The following SSBP2 variants were observed in gnomAD, a reference collection of about 807,000 sequenced individuals.
SSBP2 encodes single-stranded DNA-binding protein 2.
A neutral mutation model predicts 61.8 loss-of-function variants in SSBP2; 17 were observed. The observed-to-expected ratio is 0.28, with a 90% CI of 0.19 to 0.41. The LOEUF (loss-of-function observed/expected upper bound fraction) is 0.41. Ranked by LOEUF, SSBP2 falls within the 10% of genes least tolerant of loss-of-function variation. SSBP2 has a pLI of 1.00. For synonymous variants in SSBP2, 139 were observed against 141.3 expected, an observed-to-expected ratio of 0.98 and a Z score of 0.12; for missense variants, 310 against 458.7, an observed-to-expected ratio of 0.68 and a Z score of 2.96.
At chr5:81,618,279 C>G (rs1746253992) in intron 3 of SSBP2, among the ~76,000 whole-genome samples, 1 of 96,942 alleles carries the variant, frequency 1.0e-5, no homozygotes, top group African/African-American at 3.4e-5. Context: ...CAATGGAAAA[C>G]AAAAAAAGGC....
intron 5 of SSBP2, among the ~76,000 whole-genome samples, chr5:81,513,049 T>C (rs560412140): frequency 3.3e-5 from 5 of 152,254 alleles, no homozygotes; most frequent in Admixed American, 2.6e-4. Context: ...ATTGTCATTG[T>C]AAAATTGTTA....
intron 5 of SSBP2, among the ~76,000 whole-genome samples, chr5:81,512,683 T>C (rs1768708765): frequency 1.3e-5 from 2 of 152,176 alleles, no homozygotes; most frequent in Admixed American, 1.3e-4. Context: ...AAATTATTTA[T>C]AATTTTATTT....
At chr5:81,661,325 G>A (rs952857408) in intron 1 of SSBP2, among the ~76,000 whole-genome samples, 3 of 152,152 alleles carry the variant, frequency 2.0e-5, no homozygotes, top group African/African-American at 7.2e-5. Flanking sequence ...TGGGAATGCA[G>A]ATATCTCTCT....
At position 81,461,102 on chromosome 5, in the gene SSBP2, C is replaced by A; in HGVS notation, c.640G>T (p.Gly214Cys). 6.3e-7 allele frequency: 1 copy of A among 1,585,338 alleles called. No homozygotes were observed. The highest frequency in any genetic ancestry group is 8.6e-7 in the Non-Finnish European group (1 of 1,166,442). ...GGCCAAGGTCTACCACCACCTGGACCCCTACAAAACAATTTGATAAATGAA... is the reference window on the plus strand; with the variant it reads ...GGCCAAGGTCTACCACCACCTGGACACCTACAAAACAATTTGATAAATGAA... Residue 214 changes from glycine to cysteine, a missense_variant and splice_region_variant, in exon 10 of 17, where the codon GGT (glycine) becomes TGT (cysteine). By Grantham distance (159) the Gly-to-Cys change is radical. Coordinates refer to ENST00000320672, the MANE Select transcript of SSBP2 (RefSeq NM_012446.5).
intron 9 of SSBP2, among the ~76,000 whole-genome samples, chr5:81,463,758 CTTTTTTTTTT>C (rs938398439): frequency 1.0e-4 from 10 of 96,300 alleles, no homozygotes; most frequent in East Asian, 3.0e-4. Context: ...GAAAAATCCT[CTTTTTTTTTT>C]TTTTTTTTTT....
chr5:81,434,844 G>T (rs747323711), intron 15 of SSBP2, among the ~76,000 whole-genome samples: 5 of 152,118 alleles, frequency 3.3e-5, no homozygotes, highest in Non-Finnish European at 7.4e-5. Flanking sequence ...GCGAGTTAGT[G>T]ACTGTGACTG....
chr5:81,425,510 T>A (rs1191290044), intron 16 of SSBP2, among the ~76,000 whole-genome samples: 2 of 152,212 alleles, frequency 1.3e-5, no homozygotes, highest in African/African-American at 2.4e-5. Flanking sequence ...GTTTACTCAA[T>A]TGATTATATT....
chr5:81,424,634 C>T (rs764340806), intron 16 of SSBP2, among the ~76,000 whole-genome samples: 15 of 151,938 alleles, frequency 9.9e-5, no homozygotes, highest in Non-Finnish European at 1.8e-4. Context: ...TCATGTTTGG[C>T]CACCATTACT....
chr5:81,547,057 A>AC (rs1554084425), intron 4 of SSBP2, among the ~76,000 whole-genome samples: 1 of 149,026 alleles, frequency 6.7e-6, no homozygotes. Flanking sequence ...AAAAAAAAAA[A>AC]GTCTATCAAG....
rs114935438 is a variant in SSBP2 at position 81,472,179 on chromosome 5, G to A, written c.570+1521C>T. Among the ~76,000 whole-genome samples the A allele has an allele frequency of 5.7e-3, 874 of 152,162 alleles. 9 individuals are homozygous for A. Among genetic ancestry groups the A allele is most frequent in the African/African-American group, 0.02 (835 of 41,518 alleles). Reference sequence around the variant, plus strand: ...TATGACATGTTAATCTCTGACCCACGAGGTAGAAATTTAAAATTCTGGATT... The same window carrying A: ...TATGACATGTTAATCTCTGACCCACAAGGTAGAAATTTAAAATTCTGGATT... On this transcript the variant is annotated intron_variant, in intron 8 of 16. Transcript: ENST00000320672.
chr5:81,429,518 TG>T (rs1762158653), intron 15 of SSBP2, among the ~76,000 whole-genome samples: 1 of 152,202 alleles, frequency 6.6e-6, no homozygotes, highest in African/African-American at 2.4e-5. Flanking sequence ...CTATAAACCA[TG>T]TTTATACAGT....
chr5:81,477,336 G>T (rs1765659407), intron 6 of SSBP2, among the ~76,000 whole-genome samples: 2 of 152,052 alleles, frequency 1.3e-5, no homozygotes, highest in South Asian at 2.1e-4. Flanking sequence ...ATTTGTGTGT[G>T]TATAGCATAT....
chr5:81,516,476 C>A (rs1769025498), intron 4 of SSBP2, among the ~76,000 whole-genome samples: 1 of 152,038 alleles, frequency 6.6e-6, no homozygotes, highest in Non-Finnish European at 1.5e-5. Context: ...CCAGTACACC[C>A]AGTATAAAGC....
intron 15 of SSBP2, among the ~76,000 whole-genome samples, chr5:81,432,465 G>A (rs1441678681): frequency 1.3e-5 from 2 of 152,048 alleles, no homozygotes; most frequent in African/African-American, 2.4e-5. Context: ...AAAACAAACC[G>A]GCCGGGCACG....
At chr5:81,466,740 G>A (rs2154009825) in intron 9 of SSBP2, among the ~76,000 whole-genome samples, 1 of 151,858 alleles carries the variant, frequency 6.6e-6, no homozygotes, top group African/African-American at 2.4e-5. Context: ...AAGGTTGCAA[G>A]GGAACAAAGA....
chr5:81,722,959 TCAGA>T (rs747614291), intron 1 of SSBP2, among the ~76,000 whole-genome samples: 2 of 152,002 alleles, frequency 1.3e-5, no homozygotes, highest in South Asian at 2.1e-4. Flanking sequence ...TGATGAAACC[TCAGA>T]CACTTTACCA....
At chr5:81,578,829 T>C (rs2153466970) in intron 4 of SSBP2, among the ~76,000 whole-genome samples, 1 of 152,104 alleles carries the variant, frequency 6.6e-6, no homozygotes, top group East Asian at 1.9e-4. Flanking sequence ...TCAGACATAG[T>C]GCTTGCTATT....
chr5:81,652,188 C>T (rs1006620578), intron 1 of SSBP2, among the ~76,000 whole-genome samples: 2 of 152,148 alleles, frequency 1.3e-5, no homozygotes, highest in South Asian at 2.1e-4. Context: ...GACTTCAGAA[C>T]GGTCAAGGCC....
At position 81,662,023 on chromosome 5, in the gene SSBP2, TATGAG is replaced by T. The variant is rs766992328; in HGVS notation, c.63-11689_63-11685del. 1.1e-3 allele frequency among the ~76,000 whole-genome samples: 169 copies of T among 152,340 alleles called. 2 individuals are homozygous for T. Among genetic ancestry groups the T allele is most frequent in the Middle Eastern group, 3.4e-3 (1 of 294 alleles). On this transcript the variant is annotated intron_variant, in intron 1 of 16. Transcript: ENST00000320672. ...TTTTGAGTTTGATTTTTGTCTGCGT[TATGAG>T]ATGAGGGTCTAATTTCATTCTGCAT...
Sources: allele counts gnomAD v4.1 joint callset (sites outside exome capture counted in the v4.1 genomes callset), GRCh38; gene constraint gnomAD v4.1.1; transcripts MANE v1.5; gene names NCBI Gene and HGNC (gene_info 2026-07-23, HGNC 2026-07-21).